R3HDM2: variants seen among roughly 807,000 people sequenced by gnomAD.
R3HDM2 encodes the protein R3H domain containing 2.
In R3HDM2, 38 loss-of-function variants were observed where a neutral mutation model predicts 124.5. That is an observed-to-expected ratio of 0.31 (90% CI 0.24 to 0.40). R3HDM2 has a LOEUF of 0.40. R3HDM2 is among the 10% of genes least tolerant of loss of function. R3HDM2 has a pLI of 1.00. For synonymous variants in R3HDM2, 391 were observed against 448.0 expected, an observed-to-expected ratio of 0.87 and a Z score of 1.61; for missense variants, 869 against 1,236.9, an observed-to-expected ratio of 0.70 and a Z score of 4.46.
At chr12:57,332,113 T>C (rs2058276068) in intron 2 of R3HDM2, among the ~76,000 whole-genome samples, 1 of 151,018 alleles carries the variant, frequency 6.6e-6, no homozygotes. Flanking sequence ...GCCATATTAA[T>C]AGAATGTAAA....
intron 2 of R3HDM2, among the ~76,000 whole-genome samples, chr12:57,376,371 T>C (rs1471025605): frequency 6.6e-6 from 1 of 152,244 alleles, no homozygotes; most frequent in Non-Finnish European, 1.5e-5. Flanking sequence ...CACGTTCCAT[T>C]GCCTGAATGG....
intron 19 of R3HDM2, among the ~76,000 whole-genome samples, 153 bp downstream of exon 19, chr12:57,266,578 C>T (rs2042476643): frequency 6.6e-6 from 1 of 152,340 alleles, no homozygotes; most frequent in African/African-American, 2.4e-5. Flanking sequence ...TTGGAAAACA[C>T]CAGCTAAGAC....
chr12:57,384,362 A>AAAAAG (rs1022368618), intron 2 of R3HDM2, among the ~76,000 whole-genome samples: 31 of 152,054 alleles, frequency 2.0e-4, no homozygotes, highest in African/African-American at 7.2e-4. Context: ...TCAAAAAAAA[A>AAAAAG]AAAAGAAAAG....
At chr12:57,306,886 G>A (rs944653296) in intron 3 of R3HDM2, among the ~76,000 whole-genome samples, 3 of 152,106 alleles carry the variant, frequency 2.0e-5, no homozygotes, top group Admixed American at 2.0e-4. Context: ...ATGGTGGCAC[G>A]CATCTGTAGT....
chr12:57,390,477 C>T (rs2066502466), intron 2 of R3HDM2, among the ~76,000 whole-genome samples: 1 of 151,664 alleles, frequency 6.6e-6, no homozygotes. Context: ...ACAGGAAGAT[C>T]ACTGGAGCTC....
chr12:57,280,300 C>T (rs2045831239), intron 14 of R3HDM2, 58 bp downstream of exon 14: 1 of 1,527,420 alleles, frequency 6.5e-7, no homozygotes, highest in Admixed American at 1.8e-5. Context: ...CATGACGGTA[C>T]ATCTAAAGTT....
chr12:57,414,246 GA>G (rs1418597072), intron 1 of R3HDM2, among the ~76,000 whole-genome samples: 2 of 151,368 alleles, frequency 1.3e-5, no homozygotes, highest in African/African-American at 4.8e-5. Context: ...AGCACTCTGG[GA>G]GGCTGAGGCG....
Position 57,254,829 on chromosome 12 carries a change from G to T in R3HDM2, c.2917C>A (p.Arg973=). The change falls in exon 24 of 24, where the codon CGA becomes AGA. Residue 973 remains arginine (R), a synonymous_variant. Coordinates refer to ENST00000402412, the MANE Select transcript of R3HDM2 (RefSeq NM_001394031.1). ...LNNSVSRFKL[R]MAKKNYDLRI... is the part of the protein sequence containing the mutation. Reference sequence around the variant, plus strand: ...AGGTCATAGTTCTTTTTGGCCATTCGAAGTTTGAAGCGACTCACGGAGTTG... The same window carrying T: ...AGGTCATAGTTCTTTTTGGCCATTCTAAGTTTGAAGCGACTCACGGAGTTG... 6.2e-7 allele frequency: 1 copy of T among 1,610,420 alleles called. No individual in the cohort carries two copies. Among genetic ancestry groups the T allele is most frequent in the African/African-American group, 1.3e-5 (1 of 74,828 alleles).
chr12:57,322,022 G>A (rs534944914), intron 2 of R3HDM2, among the ~76,000 whole-genome samples: 1 of 152,314 alleles, frequency 6.6e-6, no homozygotes, highest in Admixed American at 6.5e-5. Flanking sequence ...GAGGCCAGGA[G>A]TTCGAGACCA....
Position 57,375,113 on chromosome 12 carries a change from C to T in R3HDM2, c.-36+20636G>A, listed in dbSNP as rs747529808. 9.9e-5 allele frequency among the ~76,000 whole-genome samples: 15 copies of T among 151,418 alleles called. No homozygotes were observed. In the East Asian group the frequency reaches 1.9e-3, roughly 20 times the overall value. On this transcript the variant is annotated intron_variant, in intron 2 of 23. Transcript: ENST00000402412. ...TCCACAAACTCAACAATTTATGTGA[C>T]GAAGAAATAATATTCTGCATCCAAA...
rs537372743 is a variant in R3HDM2 at position 57,321,183 on chromosome 12, A to T, written c.-35-10720T>A. Among the ~76,000 whole-genome samples the T allele has an allele frequency of 2.6e-5, 4 of 152,348 alleles. No homozygotes were observed. In the South Asian group the frequency reaches 8.3e-4, roughly 32 times the overall value. On this transcript the variant is annotated intron_variant, in intron 2 of 23. Coordinates refer to ENST00000402412, the MANE Select transcript of R3HDM2 (RefSeq NM_001394031.1). ...TGAGCACCAATATGATGCTCAAGGG[A>T]TGTACATAGGAACATTTCCAATTTT...
At chr12:57,318,891 C>T (rs1315646857) in intron 2 of R3HDM2, among the ~76,000 whole-genome samples, 1 of 152,130 alleles carries the variant, frequency 6.6e-6, no homozygotes, top group Non-Finnish European at 1.5e-5. Flanking sequence ...CTTAAAAGGG[C>T]ACACAACTGG....
intron 19 of R3HDM2, among the ~76,000 whole-genome samples, chr12:57,263,347 G>A (rs2041374887): frequency 6.6e-6 from 1 of 152,170 alleles, no homozygotes; most frequent in Admixed American, 6.5e-5. Context: ...TACCCCACTG[G>A]AAATTTTAAG....
intron 1 of R3HDM2, among the ~76,000 whole-genome samples, chr12:57,398,272 T>C (rs1039750230): frequency 6.6e-6 from 1 of 152,160 alleles, no homozygotes; most frequent in Admixed American, 6.6e-5. Flanking sequence ...CCTGCAATTC[T>C]AAACAGTGTC....
intron 5 of R3HDM2, 93 bp downstream of exon 5, chr12:57,300,002 T>C (rs2050767280): frequency 2.1e-6 from 2 of 974,128 alleles, no homozygotes; most frequent in African/African-American, 1.6e-5. Flanking sequence ...TCTACCCTGA[T>C]TTTCAAGTCT....
chr12:57,288,970 G>A, intron 12 of R3HDM2, 39 bp downstream of exon 12: 1 of 1,546,620 alleles, frequency 6.5e-7, no homozygotes, highest in Non-Finnish European at 8.8e-7. Context: ...CACTGGCAAA[G>A]CTCAATGAGA....
At chr12:57,319,115 T>C (rs1373800903) in intron 2 of R3HDM2, among the ~76,000 whole-genome samples, 1 of 152,186 alleles carries the variant, frequency 6.6e-6, no homozygotes, top group Non-Finnish European at 1.5e-5. Flanking sequence ...TTTTTTGAGA[T>C]GGAGTTTCGC....
At chr12:57,382,767 C>T (rs893810630) in intron 2 of R3HDM2, among the ~76,000 whole-genome samples, 3 of 151,604 alleles carry the variant, frequency 2.0e-5, no homozygotes, top group Non-Finnish European at 4.4e-5. Context: ...ACCCAGGAGG[C>T]GGAGCTTGCA....
chr12:57,317,155 T>C (rs1006825308), intron 2 of R3HDM2, among the ~76,000 whole-genome samples: 2 of 151,636 alleles, frequency 1.3e-5, no homozygotes, highest in Admixed American at 6.6e-5. Flanking sequence ...GCGATTGGAA[T>C]AAAGGTGTGA....
Sources: gnomAD v4.1 joint callset for allele counts (sites outside exome capture counted in the v4.1 genomes callset) on GRCh38, gnomAD v4.1.1 for gene constraint, MANE v1.5 for transcripts, NCBI Gene and HGNC (gene_info 2026-07-23, HGNC 2026-07-21) for gene names.